LCMT1: variants seen among roughly 807,000 people sequenced by gnomAD.
LCMT1 encodes leucine carboxyl methyltransferase 1.
In LCMT1, 32 loss-of-function variants were observed where a neutral mutation model predicts 47.7. The ratio of observed to expected loss-of-function variants is 0.67; its 90% confidence interval spans 0.51 to 0.90. The LOEUF (loss-of-function observed/expected upper bound fraction) is 0.90, where lower values mean the gene tolerates loss of function less well. LCMT1 is among the 40% of genes least tolerant of loss of function. The pLI, the probability that LCMT1 is intolerant of heterozygous loss-of-function variation, is 0.00. For missense variants in LCMT1, 375 were observed against 415.2 expected (o/e 0.90, Z 0.84); for synonymous variants, 152 against 149.7 (o/e 1.02, Z -0.11).
At chr16:25,149,845 C>T (rs1049347747) in intron 4 of LCMT1, among the ~76,000 whole-genome samples, 14 of 141,932 alleles carry the variant, frequency 9.9e-5, no homozygotes, top group African/African-American at 3.5e-4. Flanking sequence ...CCCAGGAGGT[C>T]GAGGCTGCAG....
At position 25,111,766 on chromosome 16, in the gene LCMT1, C is replaced by A. The variant is rs1222398515; in HGVS notation, c.-118C>A. The A allele has an allele frequency of 1.5e-6, 1 of 673,430 alleles. No individual in the cohort carries two copies. Among genetic ancestry groups the A allele is most frequent in the Non-Finnish European group, 2.6e-6 (1 of 381,484 alleles). 41.7% of individuals were successfully genotyped at this position (673,430 alleles called of 1,614,324 possible). The stretch of plus-strand genomic sequence containing the variant: ...CGTCACTGAGCCGCGCCAGCTGAGC[C>A]AGGTAGGGCCCTACCCTCTTCTGTT... On this transcript the variant is annotated 5_prime_UTR_variant, in exon 1 of 11. Coordinates refer to ENST00000399069, the MANE Select transcript of LCMT1 (RefSeq NM_016309.3).
At chr16:25,156,831 C>A (rs1286101621) in intron 5 of LCMT1, among the ~76,000 whole-genome samples, 1 of 152,026 alleles carries the variant, frequency 6.6e-6, no homozygotes, top group Non-Finnish European at 1.5e-5. Flanking sequence ...TCTTGTTCAT[C>A]AGTTATTCCC....
rs1288034577 is a variant in LCMT1, at chr16:25,164,693, G to C, written c.665G>C (p.Arg222Thr). 2.5e-6 allele frequency: 4 copies of C among 1,613,966 alleles called. No homozygotes were observed. The highest frequency in any genetic ancestry group is 3.4e-6 in the Non-Finnish European group (4 of 1,179,880). ...AAGTGGGCAGCCAACAGTTTTGAGA[G>C]AGCCATGTTCATAAACTACGAACAG... ...LLKWAANSFE[R>T]AMFINYEQVN... is the part of the protein sequence containing the mutation. The change falls in exon 7 of 11, where the codon AGA becomes ACA. Residue 222 changes from arginine (R) to threonine (T), a missense_variant. Arg to Thr is a moderately conservative substitution (Grantham distance 71). Transcript: ENST00000399069.
intron 4 of LCMT1, chr16:25,143,063 T>G (rs1242881206): frequency 6.6e-6 from 1 of 152,168 alleles, no homozygotes; most frequent in Non-Finnish European, 1.5e-5. Context: ...TCCCCTGGAT[T>G]AACTTGTAAA....
chr16:25,161,723 T>C lies in LCMT1; in HGVS notation c.569+519T>C, dbSNP rs59368820. Among the ~76,000 whole-genome samples the C allele has an allele frequency of 5.2e-3, 784 of 152,128 alleles. 9 individuals are homozygous for C. The highest frequency in any genetic ancestry group is 0.018 in the African/African-American group (745 of 41,506). On this transcript the variant is annotated intron_variant, in intron 6 of 10. Transcript: ENST00000399069. ...AAAAATACTAGTGCCTAATTTCATA[T>C]AAAAGTTTGAGAGAAGATAATTTAT...
chr16:25,152,669 G>A (rs375569431), intron 5 of LCMT1, among the ~76,000 whole-genome samples: 1 of 152,092 alleles, frequency 6.6e-6, no homozygotes, highest in Non-Finnish European at 1.5e-5. Flanking sequence ...ATATTACCAC[G>A]ATTTCTACAT....
rs1959611490 is a variant in LCMT1, at chr16:25,111,746, C to G, written c.-138C>G. On this transcript the variant is annotated 5_prime_UTR_variant, in exon 1 of 11. Coordinates refer to ENST00000399069, the MANE Select transcript of LCMT1 (RefSeq NM_016309.3). ...GGGGTAGCCGGCGTGGGCGGCGTCA[C>G]TGAGCCGCGCCAGCTGAGCCAGGTA... 1.6e-6 allele frequency: 1 copy of G among 626,228 alleles called. No homozygotes were observed. Among genetic ancestry groups the G allele is most frequent in the African/African-American group, 1.8e-5 (1 of 54,438 alleles). The allele number at this position is 626,228 out of a possible 1,614,324, so 38.8% of individuals were successfully genotyped here.
At chr16:25,142,144 A>G (rs1960713524) in intron 4 of LCMT1, 1 of 152,300 alleles carries the variant, frequency 6.6e-6, no homozygotes, top group African/African-American at 2.4e-5. Flanking sequence ...ACAAAGGAAC[A>G]GAATACCCCA....
At chr16:25,127,331 G>C (rs908349195) in intron 1 of LCMT1, among the ~76,000 whole-genome samples, 2 of 152,168 alleles carry the variant, frequency 1.3e-5, no homozygotes, top group Non-Finnish European at 2.9e-5. Flanking sequence ...ATAAAACTGT[G>C]TGGGTATGCT....
intron 5 of LCMT1, chr16:25,160,677 T>A (rs1011028308): frequency 2.1e-6 from 1 of 477,816 alleles, no homozygotes; most frequent in African/African-American, 1.9e-5. Flanking sequence ...TAGTGAGGGA[T>A]TGGCTAAATA....
chr16:25,111,784 C>T lies in LCMT1; in HGVS notation c.-100C>T, dbSNP rs909138241. ...GCTGAGCCAGGTAGGGCCCTACCCT[C>T]TTCTGTTGCTTTCTCCCTGTGGCTC... is the stretch of plus-strand genomic sequence containing the variant. On this transcript the variant is annotated 5_prime_UTR_variant, in exon 1 of 11. Coordinates refer to ENST00000399069, the MANE Select transcript of LCMT1 (RefSeq NM_016309.3). 4.6e-5 allele frequency: 37 copies of T among 805,858 alleles called. No homozygotes were observed. Among genetic ancestry groups the T allele is most frequent in the African/African-American group, 6.8e-5 (4 of 58,918 alleles). The allele number at this position is 805,858 out of a possible 1,614,324, so 49.9% of individuals were successfully genotyped here.
At chr16:25,112,880 C>A (rs770813293) in intron 1 of LCMT1, among the ~76,000 whole-genome samples, 1 of 152,008 alleles carries the variant, frequency 6.6e-6, no homozygotes, top group Non-Finnish European at 1.5e-5. Flanking sequence ...CGGTGGTTCA[C>A]GCCTGTAATC....
chr16:25,161,297 T>G (rs1961425865), intron 6 of LCMT1, 93 bp downstream of exon 6: 2 of 597,684 alleles, frequency 3.3e-6, no homozygotes. Context: ...ATATTCATGT[T>G]CCATTTTTTA....
chr16:25,173,545 TATAAC>T (rs1162679241), intron 9 of LCMT1, among the ~76,000 whole-genome samples: 5 of 152,190 alleles, frequency 3.3e-5, no homozygotes, highest in East Asian at 1.9e-4. Context: ...CGTGCACACA[TATAAC>T]AGACAAGGCC....
intron 5 of LCMT1, chr16:25,158,745 C>T (rs937105577): frequency 6.6e-6 from 1 of 152,248 alleles, no homozygotes; most frequent in Non-Finnish European, 1.5e-5. Flanking sequence ...AATGATAAAG[C>T]ATCCTTCAAG....
At position 25,174,924 on chromosome 16, in the gene LCMT1, A is replaced by C. The variant is rs1312958090; in HGVS notation, c.885-13A>C. 1 of 1,487,470 alleles carries C rather than the reference A, an allele frequency of 6.7e-7. No homozygotes were observed. Among genetic ancestry groups the C allele is most frequent in the African/African-American group, 1.4e-5 (1 of 71,840 alleles). 92.1% of individuals were successfully genotyped at this position (1,487,470 alleles called of 1,614,324 possible). ...CAGACACTTGCATCGTTCTATTTTAATTCTTTCCACAGGATAGAATCACTT... is the reference window on the plus strand; with the variant it reads ...CAGACACTTGCATCGTTCTATTTTACTTCTTTCCACAGGATAGAATCACTT... On this transcript the variant is annotated splice_polypyrimidine_tract_variant and intron_variant, in intron 9 of 10. Coordinates refer to ENST00000399069, the MANE Select transcript of LCMT1 (RefSeq NM_016309.3).
chr16:25,139,917 A>G (rs1960629469), intron 3 of LCMT1: 1 of 432,636 alleles, frequency 2.3e-6, no homozygotes, highest in Middle Eastern at 6.8e-4. Flanking sequence ...GCCACCTGCT[A>G]GCTCAGGCTC....
At chr16:25,134,368 C>A (rs2141654491) in intron 3 of LCMT1, among the ~76,000 whole-genome samples, 1 of 152,258 alleles carries the variant, frequency 6.6e-6, no homozygotes, top group Non-Finnish European at 1.5e-5. Flanking sequence ...CATATATGAC[C>A]TCATGAATTA....
chr16:25,141,859 G>T (rs1209187613), intron 4 of LCMT1: 1 of 152,236 alleles, frequency 6.6e-6, no homozygotes, highest in Non-Finnish European at 1.5e-5. Flanking sequence ...AGTTGCCAGT[G>T]TTTCAAGGGT....
Sources: gnomAD v4.1 joint callset for allele counts (sites outside exome capture counted in the v4.1 genomes callset) on GRCh38, gnomAD v4.1.1 for gene constraint, MANE v1.5 for transcripts, NCBI Gene and HGNC (gene_info 2026-07-23, HGNC 2026-07-21) for gene names.